ZEB1: variants seen among roughly 807,000 people sequenced by gnomAD.
The protein encoded by ZEB1 is zinc finger E-box binding homeobox 1.
ZEB1 carries 21 observed loss-of-function variants against 84.9 expected under a neutral mutation model. The observed-to-expected ratio is 0.25, with a 90% CI of 0.18 to 0.36. The LOEUF (loss-of-function observed/expected upper bound fraction) is 0.36, where lower values mean the gene tolerates loss of function less well. Among genes scored for constraint, ZEB1 ranks in the 10% least tolerant of loss-of-function variants. ZEB1 has a pLI of 1.00. For missense variants in ZEB1, 1,104 were observed against 1,330.2 expected (o/e 0.83, Z 2.65); for synonymous variants, 420 against 471.1 (o/e 0.89, Z 1.41).
intron 2 of ZEB1, among the ~76,000 whole-genome samples, chr10:31,483,013 G>A (rs1341736048): frequency 2.0e-5 from 3 of 151,910 alleles, no homozygotes; most frequent in African/African-American, 2.4e-5. Flanking sequence ...AGACCTGGTC[G>A]CGATACCTTG....
intron 2 of ZEB1, among the ~76,000 whole-genome samples, chr10:31,476,616 A>G (rs2064233915): frequency 6.6e-6 from 1 of 151,904 alleles, no homozygotes; most frequent in African/African-American, 2.4e-5. Context: ...TCTTTCTGTG[A>G]TACTTGTTAT....
intron 1 of ZEB1, among the ~76,000 whole-genome samples, chr10:31,459,560 T>G (rs2061594273): frequency 6.6e-6 from 1 of 152,056 alleles, no homozygotes; most frequent in Non-Finnish European, 1.5e-5. Flanking sequence ...TATAATAAAA[T>G]AAGAGAGAAA....
At chr10:31,459,014 G>T (rs191443653) in intron 1 of ZEB1, among the ~76,000 whole-genome samples, 255 of 152,212 alleles carry the variant, frequency 1.7e-3, no homozygotes, top group Non-Finnish European at 1.5e-3. Flanking sequence ...GCTGAGCTTA[G>T]CCTGCCTTAA....
chr10:31,443,061 G>A (rs2059229666), intron 1 of ZEB1, among the ~76,000 whole-genome samples: 1 of 152,266 alleles, frequency 6.6e-6, no homozygotes, highest in Non-Finnish European at 1.5e-5. Context: ...GCCAGAGAGA[G>A]CAAGAAAGTT....
At chr10:31,505,040 C>T (rs1014063546) in intron 4 of ZEB1, among the ~76,000 whole-genome samples, 10 of 151,952 alleles carry the variant, frequency 6.6e-5, no homozygotes, top group Admixed American at 3.9e-4. Context: ...CTTAGAGGGA[C>T]GTCTGTCAGC....
intron 1 of ZEB1, among the ~76,000 whole-genome samples, chr10:31,353,727 G>T (rs528344995): frequency 6.6e-6 from 1 of 152,290 alleles, no homozygotes; most frequent in South Asian, 2.1e-4. Flanking sequence ...TCAAAGGTTT[G>T]ATTATGAGTC....
At chr10:31,478,020 A>G (rs2064489245) in intron 2 of ZEB1, among the ~76,000 whole-genome samples, 1 of 152,082 alleles carries the variant, frequency 6.6e-6, no homozygotes, top group African/African-American at 2.4e-5. Flanking sequence ...GTGGGACTTA[A>G]TTAAACCAAA....
intron 2 of ZEB1, among the ~76,000 whole-genome samples, chr10:31,473,226 A>G (rs1367748290): frequency 6.6e-6 from 1 of 150,784 alleles, no homozygotes; most frequent in Non-Finnish European, 1.5e-5. Flanking sequence ...AGGCAGGAGA[A>G]GGAAATAAAG....
intron 1 of ZEB1, among the ~76,000 whole-genome samples, chr10:31,454,518 C>A (rs1371014355): frequency 6.6e-6 from 1 of 152,144 alleles, no homozygotes; most frequent in African/African-American, 2.4e-5. Flanking sequence ...ATTTAGAAAA[C>A]CCCTTTGTCT....
chr10:31,346,120 G>T (rs545569615), intron 1 of ZEB1, among the ~76,000 whole-genome samples: 1 of 152,200 alleles, frequency 6.6e-6, no homozygotes, highest in South Asian at 2.1e-4. Context: ...AAAATGTAGG[G>T]AGTTTATAGG....
chr10:31,474,058 T>C (rs2063691526), intron 2 of ZEB1, among the ~76,000 whole-genome samples: 1 of 152,120 alleles, frequency 6.6e-6, no homozygotes, highest in Admixed American at 6.5e-5. Context: ...CAAAAATCAA[T>C]TCAAGATGGA....
At chr10:31,361,916 G>A (rs1205889656) in intron 1 of ZEB1, among the ~76,000 whole-genome samples, 6 of 149,198 alleles carry the variant, frequency 4.0e-5, no homozygotes, top group African/African-American at 1.2e-4. Flanking sequence ...TTTCCCAGAC[G>A]GTGAGGAGGC....
intron 7 of ZEB1, among the ~76,000 whole-genome samples, chr10:31,522,635 T>C (rs769161582): frequency 1.3e-5 from 2 of 152,214 alleles, no homozygotes; most frequent in Non-Finnish European, 2.9e-5. Context: ...CACAATAGTT[T>C]TGGATAGAGC....
intron 1 of ZEB1, among the ~76,000 whole-genome samples, chr10:31,367,480 G>T (rs1030500211): frequency 3.3e-5 from 5 of 152,164 alleles, no homozygotes; most frequent in African/African-American, 1.2e-4. Context: ...TGTACTTACT[G>T]CACTTTTCTA....
At chr10:31,420,778 C>T (rs775154494) in intron 1 of ZEB1, among the ~76,000 whole-genome samples, 8 of 152,128 alleles carry the variant, frequency 5.3e-5, no homozygotes, top group Non-Finnish European at 1.2e-4. Context: ...GTGGCCACCT[C>T]ACTTGCTTTT....
chr10:31,497,054 A>ATGT, intron 3 of ZEB1, among the ~76,000 whole-genome samples: 1 of 152,244 alleles, frequency 6.6e-6, no homozygotes, highest in Middle Eastern at 3.4e-3. Flanking sequence ...TTGCATGAAT[A>ATGT]ATGTATTCAG....
intron 1 of ZEB1, chr10:31,319,629 A>T: frequency 3.1e-6 from 1 of 325,418 alleles, no homozygotes; most frequent in South Asian, 5.5e-5. Flanking sequence ...CGCACTGGCC[A>T]CTTTTCTGGT....
At chr10:31,416,981 A>G (rs1007754604) in intron 1 of ZEB1, among the ~76,000 whole-genome samples, 12 of 152,278 alleles carry the variant, frequency 7.9e-5, no homozygotes, top group Middle Eastern at 3.4e-3. Context: ...TACCTGGTTT[A>G]CCACATCAGC....
In ZEB1 at chr10:31,526,989, G is replaced by A. The variant is rs2073583731; in HGVS notation, c.3103G>A (p.Glu1035Lys). The change falls in exon 9 of 9, where the codon GAA becomes AAA. Residue 1035 changes from glutamate (E) to lysine (K), a missense_variant. Glu to Lys is a moderately conservative substitution (Grantham distance 56). Coordinates refer to ENST00000424869, the MANE Select transcript of ZEB1 (RefSeq NM_001174096.2). The part of the protein sequence containing the change: ...ERESLTREED[E>K]DSEKEEEEED... ...AGAGAGTTTGACAAGGGAAGAGGATGAAGACAGTGAAAAAGAGGAAGAGGA... is the reference window on the plus strand; with the variant it reads ...AGAGAGTTTGACAAGGGAAGAGGATAAAGACAGTGAAAAAGAGGAAGAGGA... The A allele has an allele frequency of 6.2e-7, 1 of 1,610,796 alleles. No individual in the cohort carries two copies. Among genetic ancestry groups the A allele is most frequent in the Non-Finnish European group, 8.5e-7 (1 of 1,178,258 alleles).
Sources: allele counts gnomAD v4.1 joint callset (sites outside exome capture counted in the v4.1 genomes callset), GRCh38; gene constraint gnomAD v4.1.1; transcripts MANE v1.5; gene names NCBI Gene and HGNC (gene_info 2026-07-23, HGNC 2026-07-21).